ZFP42: variants seen among roughly 807,000 people sequenced by gnomAD.
The protein encoded by ZFP42 is ZFP42 zinc finger protein.
For synonymous variants in ZFP42, 175 were observed against 144.6 expected, an observed-to-expected ratio of 1.21 and a Z score of -1.51; for missense variants, 438 against 377.1, an observed-to-expected ratio of 1.16 and a Z score of -1.34.
rs560688608 is a variant in ZFP42, at chr4:187,996,574, T to C, written c.-339+734T>C. On this transcript the variant is annotated intron_variant, in intron 1 of 3. Coordinates refer to ENST00000326866, the MANE Select transcript of ZFP42 (RefSeq NM_174900.5). ...ATCCGCCCGCCTCAGCCTCCCAAAG[T>C]GCTGAGATTACAGGCGTGAGCCACC... 2.4e-3 allele frequency among the ~76,000 whole-genome samples: 367 copies of C among 152,004 alleles called. 2 individuals are homozygous for C. The highest frequency in any genetic ancestry group is 8.7e-3 in the African/African-American group (360 of 41,468).
chr4:188,002,777 A>C lies in ZFP42; in HGVS notation c.-31A>C. 6.2e-7 allele frequency: 1 copy of C among 1,601,632 alleles called. No individual in the cohort carries two copies. The highest frequency in any genetic ancestry group is 2.2e-5 in the East Asian group (1 of 44,810). ...GGAGGTGGTTGATATATCCTGGTGT[A>C]AACCTTCAAGAAGGGCACAGGCAGG... On this transcript the variant is annotated 5_prime_UTR_variant, in exon 4 of 4. Transcript: ENST00000326866.
intron 3 of ZFP42, among the ~76,000 whole-genome samples, chr4:188,000,201 G>T (rs6837349): frequency 0.68 from 103,510 of 151,918 alleles, 35,571 homozygotes; most frequent in East Asian, 0.96. Flanking sequence ...ACTCAAAAAG[G>T]TTTCATACTT....
Position 187,995,822 on chromosome 4 carries a change from G to C in ZFP42, c.-357G>C, listed in dbSNP as rs1466831037. On this transcript the variant is annotated 5_prime_UTR_variant, in exon 1 of 4. Transcript: ENST00000326866. ...AGGAGGTGGCATTGGAAATAGCAGA[G>C]TGCTTCGCGGTAACAGGGGTGAGTC... is the stretch of plus-strand genomic sequence containing the variant. 1 of 152,380 alleles carries C rather than the reference G, an allele frequency of 6.6e-6. No individual in the cohort carries two copies. Among genetic ancestry groups the C allele is most frequent in the Admixed American group, 6.5e-5 (1 of 15,292 alleles). The allele number at this position is 152,380 out of a possible 1,614,324, so 9.4% of individuals were successfully genotyped here.
chr4:188,000,857 C>CT (rs1553988061), intron 3 of ZFP42, among the ~76,000 whole-genome samples: 1 of 151,452 alleles, frequency 6.6e-6, no homozygotes, highest in South Asian at 2.1e-4. Context: ...GGTGGCGGGG[C>CT]GGGGGGGCGC....
At chr4:187,999,477 G>C (rs1191336084) in intron 2 of ZFP42, 132 bp from the exon 3 acceptor site, 1 of 152,236 alleles carries the variant, frequency 6.6e-6, no homozygotes, top group South Asian at 2.1e-4. Flanking sequence ...TTAATAGCCA[G>C]CTTTTTTGAA....
At position 188,000,279 on chromosome 4, in the gene ZFP42, G is replaced by A. The variant is rs116511723; in HGVS notation, c.-96+594G>A. 4.3e-3 allele frequency among the ~76,000 whole-genome samples: 649 copies of A among 152,252 alleles called. 5 individuals carry two copies. Among genetic ancestry groups the A allele is most frequent in the African/African-American group, 0.015 (627 of 41,550 alleles). On this transcript the variant is annotated intron_variant, in intron 3 of 3. Transcript: ENST00000326866. The stretch of plus-strand genomic sequence containing the variant: ...GCTGTTTTTTAAATGGACTAATTGG[G>A]GAGAGCAGCTCTGTGTTTAATCCTA...
Position 187,996,761 on chromosome 4 carries a change from C to T in ZFP42, c.-339+921C>T, listed in dbSNP as rs187256742. On this transcript the variant is annotated intron_variant, in intron 1 of 3. Coordinates refer to ENST00000326866, the MANE Select transcript of ZFP42 (RefSeq NM_174900.5). ...CTGCTCCAAACCCCTGGCAGCCCTTCGCGGGATTCCCAAATCTAATAGATT... is the reference window on the plus strand; with the variant it reads ...CTGCTCCAAACCCCTGGCAGCCCTTTGCGGGATTCCCAAATCTAATAGATT... Among the ~76,000 whole-genome samples the T allele has an allele frequency of 1.2e-4, 19 of 152,300 alleles. No homozygotes were observed. In the East Asian group the frequency reaches 3.1e-3, roughly 25 times the overall value.
intron 1 of ZFP42, among the ~76,000 whole-genome samples, chr4:187,998,777 T>C (rs1414050859): frequency 1.3e-5 from 2 of 152,178 alleles, no homozygotes; most frequent in Non-Finnish European, 2.9e-5. Context: ...GTAGCTACAC[T>C]CTGTGATGTT....
intron 3 of ZFP42, among the ~76,000 whole-genome samples, chr4:188,001,124 T>G (rs1560913847): frequency 6.6e-6 from 1 of 152,224 alleles, no homozygotes; most frequent in Non-Finnish European, 1.5e-5. Flanking sequence ...TTGTTTTTAT[T>G]ATATGTATTT....
chr4:187,998,516 A>T (rs1733692944), intron 1 of ZFP42, among the ~76,000 whole-genome samples: 1 of 152,126 alleles, frequency 6.6e-6, no homozygotes, highest in African/African-American at 2.4e-5. Flanking sequence ...ACACTCACTC[A>T]CTCACTCATC....
rs768626545 is a variant in ZFP42, at chr4:188,002,887, C to T, written c.80C>T (p.Pro27Leu). Residue 27 changes from proline (P) to leucine (L), a missense_variant, in exon 4 of 4, where the codon CCC becomes CTC. Pro to Leu is a moderately conservative substitution (Grantham distance 98). Coordinates refer to ENST00000326866, the MANE Select transcript of ZFP42 (RefSeq NM_174900.5). ...LGGRAPSGAK[P>L]RQGKSSQDLQ... is the part of the protein sequence containing the mutation. ...GGAAGAGCCCCCAGTGGGGCTAAGC[C>T]CAGGCAAGGCAAGTCAAGCCAAGAC... 1 of 1,614,180 alleles carries T rather than the reference C, an allele frequency of 6.2e-7. No individual in the cohort carries two copies.
chr4:188,002,331 T>C (rs1269199172), intron 3 of ZFP42, among the ~76,000 whole-genome samples: 1 of 152,262 alleles, frequency 6.6e-6, no homozygotes, highest in Non-Finnish European at 1.5e-5. Flanking sequence ...TTGCTTACTC[T>C]TTCACACTTA....
Position 188,003,831 on chromosome 4 carries a change from C to A in ZFP42, c.*91C>A, listed in dbSNP as rs1428636737. 2.3e-6 allele frequency: 3 copies of A among 1,317,868 alleles called. No homozygotes were observed. In the Admixed American group the frequency reaches 8.1e-5, roughly 36 times the overall value. The allele number at this position is 1,317,868 out of a possible 1,614,324, so 81.6% of individuals were successfully genotyped here. A position where few individuals can be genotyped will look rare whatever the true frequency, so the allele number is the denominator to read the frequency against. On this transcript the variant is annotated 3_prime_UTR_variant, in exon 4 of 4. Coordinates refer to ENST00000326866, the MANE Select transcript of ZFP42 (RefSeq NM_174900.5). ...TGTTTCTAGGAAGGAATTTCTAAATCAATATTGCAACCCCAAAAGCGGTTA... is the reference window on the plus strand; with the variant it reads ...TGTTTCTAGGAAGGAATTTCTAAATAAATATTGCAACCCCAAAAGCGGTTA...
At chr4:188,002,590 G>C in intron 3 of ZFP42, 123 bp from the exon 4 acceptor site, 1 of 562,882 alleles carries the variant, frequency 1.8e-6, no homozygotes, top group Non-Finnish European at 3.2e-6. Flanking sequence ...GCTCATTCTT[G>C]GTCTCTTGGT....
At position 188,001,165 on chromosome 4, in the gene ZFP42, T is replaced by C. The variant is rs964425700; in HGVS notation, c.-96+1480T>C. Among the ~76,000 whole-genome samples, 5 of 152,104 alleles carry C rather than the reference T, an allele frequency of 3.3e-5. No individual in the cohort carries two copies. In the East Asian group the frequency reaches 7.7e-4, roughly 23 times the overall value. The stretch of plus-strand genomic sequence containing the variant: ...TTACCAAAAGTAAATGACATGCTTC[T>C]GTTGAGGTGTTTTTTTTTTAATGTG... On this transcript the variant is annotated intron_variant, in intron 3 of 3. Transcript: ENST00000326866.
chr4:188,003,221 G>C lies in ZFP42; in HGVS notation c.414G>C (p.Glu138Asp). Reference protein sequence around the residue: ...KKELPQKIVGENSLEYSEYMT... With the variant: ...KKELPQKIVGDNSLEYSEYMT... ...AGCTTCCACAAAAGATAGTTGGAGA[G>C]AATTCGCTTGAGTATTCTGAGTACA... The change falls in exon 4 of 4, where the codon GAG becomes GAC. Residue 138 changes from glutamate (E) to aspartate (D), a missense_variant. By Grantham distance (45) the Glu-to-Asp change is conservative. Coordinates refer to ENST00000326866, the MANE Select transcript of ZFP42 (RefSeq NM_174900.5). The C allele has an allele frequency of 6.2e-7, 1 of 1,614,038 alleles. No homozygotes were observed. Among genetic ancestry groups the C allele is most frequent in the Non-Finnish European group, 8.5e-7 (1 of 1,180,032 alleles).
chr4:187,997,653 A>C (rs938797072), intron 1 of ZFP42, among the ~76,000 whole-genome samples: 3 of 151,996 alleles, frequency 2.0e-5, no homozygotes, highest in Non-Finnish European at 4.4e-5. Flanking sequence ...TTTTTCCCTA[A>C]GTTCAGCACC....
In ZFP42 at chr4:187,997,228, C is replaced by CTTTTTTTTT. The variant is rs71595201; in HGVS notation, c.-339+1402_-339+1410dup. ...CCTCGGTTACTTCCCCTCTCATATT[C>CTTTTTTTTT]TTTTTTTTTTTTTTTTTTTTTTGAG... On this transcript the variant is annotated intron_variant, in intron 1 of 3. Coordinates refer to ENST00000326866, the MANE Select transcript of ZFP42 (RefSeq NM_174900.5). 3.7e-4 allele frequency among the ~76,000 whole-genome samples: 22 copies of CTTTTTTTTT among 60,018 alleles called. 1 individual carries two copies. Among genetic ancestry groups the CTTTTTTTTT allele is most frequent in the African/African-American group, 1.0e-3 (13 of 12,742 alleles). The allele number at this position is 60,018 out of a possible 152,430, so 39.4% of individuals were successfully genotyped here.
intron 1 of ZFP42, among the ~76,000 whole-genome samples, chr4:187,997,014 GTGGAGCATGGAGCA>G (rs1294153935): frequency 3.5e-4 from 8 of 23,090 alleles, no homozygotes; most frequent in Non-Finnish European, 5.4e-4. Context: ...AGCGTGGAGC[GTGGAGCATGGAGCA>G]TGGAGCGTGG....
Sources: gnomAD v4.1 joint callset for allele counts (sites outside exome capture counted in the v4.1 genomes callset) on GRCh38, gnomAD v4.1.1 for gene constraint, MANE v1.5 for transcripts, NCBI Gene and HGNC (gene_info 2026-07-23, HGNC 2026-07-21) for gene names.